Variants in GRIA4 observed in about 807,000 individuals in gnomAD.
GRIA4 encodes glutamate ionotropic receptor AMPA type subunit 4.
Under a neutral mutation model 104.0 loss-of-function variants are expected in GRIA4, and 34 were observed. That is an observed-to-expected ratio of 0.33 (90% CI 0.25 to 0.44). GRIA4 has a LOEUF of 0.44. Among genes scored for constraint, GRIA4 ranks in the 20% least tolerant of loss-of-function variants. The pLI is 1.00. For missense variants in GRIA4, 750 were observed against 1,096.5 expected, an observed-to-expected ratio of 0.68 and a Z score of 4.46; for synonymous variants, 386 against 381.9, an observed-to-expected ratio of 1.01 and a Z score of -0.13.
chr11:105,918,723 T>C lies in GRIA4; in HGVS notation c.1281T>C (p.Tyr427=), dbSNP rs1947477561. The change falls in exon 11 of 17, where the codon TAT becomes TAC. Residue 427 remains tyrosine (Y), a synonymous_variant. Transcript: ENST00000282499. ...VVVTTIMESP[Y]VMYKKNHEMF... ...TTCTCTCATTATAGGAATCCCCATATGTTATGTACAAGAAAAATCATGAAA... is the reference window on the plus strand; with the variant it reads ...TTCTCTCATTATAGGAATCCCCATACGTTATGTACAAGAAAAATCATGAAA... The C allele has an allele frequency of 1.3e-6, 2 of 1,491,208 alleles. No homozygotes were observed. Among genetic ancestry groups the C allele is most frequent in the Admixed American group, 1.7e-5 (1 of 59,780 alleles). The allele number at this position is 1,491,208 out of a possible 1,614,324, so 92.4% of individuals were successfully genotyped here. A position where few individuals can be genotyped will look rare whatever the true frequency, so the allele number is the denominator to read the frequency against.
intron 4 of GRIA4, among the ~76,000 whole-genome samples, chr11:105,833,960 G>A (rs550030393): frequency 1.3e-5 from 2 of 152,054 alleles, no homozygotes; most frequent in Admixed American, 1.3e-4. Context: ...ATTTTACTAT[G>A]CCTTTCCATT....
chr11:105,814,857 A>C (rs999565122), intron 4 of GRIA4, among the ~76,000 whole-genome samples: 1 of 152,176 alleles, frequency 6.6e-6, no homozygotes, highest in Non-Finnish European at 1.5e-5. Flanking sequence ...ATCCTTACCA[A>C]AAATGGGGTA....
intron 14 of GRIA4, among the ~76,000 whole-genome samples, chr11:105,948,595 G>GTTT (rs3060323): frequency 3.9e-4 from 34 of 87,880 alleles, no homozygotes; most frequent in Non-Finnish European, 5.5e-4. Flanking sequence ...TTTTCTTTTT[G>GTTT]TTTTTTTTTT....
rs780842448 is a variant in GRIA4, at chr11:105,713,124, T to C, written c.248-39857T>C. Among the ~76,000 whole-genome samples the C allele has an allele frequency of 2.4e-4, 37 of 152,274 alleles. No homozygotes were observed. The Middle Eastern group carries it at 0.014, about 56-fold the overall frequency. ...CAGGCCAGGCACAGTGACTCACTCC[T>C]GTAATTCCAGCAATTTGAGAGGGTT... On this transcript the variant is annotated intron_variant, in intron 3 of 16. Coordinates refer to ENST00000282499, the MANE Select transcript of GRIA4 (RefSeq NM_000829.4).
At chr11:105,759,524 T>A (rs1456767375) in intron 4 of GRIA4, among the ~76,000 whole-genome samples, 1 of 152,176 alleles carries the variant, frequency 6.6e-6, no homozygotes, top group Non-Finnish European at 1.5e-5. Context: ...TGACTTCTCA[T>A]TACTCTTCAT....
At chr11:105,633,848 G>A (rs1951103817) in intron 3 of GRIA4, among the ~76,000 whole-genome samples, 1 of 152,022 alleles carries the variant, frequency 6.6e-6, no homozygotes, top group African/African-American at 2.4e-5. Context: ...GCCTCAAAAC[G>A]ATGCTGAGAA....
intron 4 of GRIA4, among the ~76,000 whole-genome samples, chr11:105,828,939 G>A (rs1943874427): frequency 6.6e-6 from 1 of 151,984 alleles, no homozygotes. Flanking sequence ...CAGAAAGAAT[G>A]GCTTGCTGAT....
intron 3 of GRIA4, among the ~76,000 whole-genome samples, chr11:105,714,905 G>C (rs1000557926): frequency 2.6e-5 from 4 of 151,968 alleles, no homozygotes; most frequent in African/African-American, 9.7e-5. Context: ...GTTCACTAAT[G>C]TCCACAAAAG....
At chr11:105,610,861 CTTTCTTTTCTTT>C (rs1472848479) in intron 1 of GRIA4, 35 bp from the exon 2 acceptor site, 344 of 542,726 alleles carry the variant, frequency 6.3e-4, no homozygotes, top group Admixed American at 1.2e-3. Flanking sequence ...TCTTTCTTTT[CTTTCTTTTCTTT>C]TTTTTTTTTT....
At chr11:105,894,892 C>T (rs1486668310) in intron 6 of GRIA4, among the ~76,000 whole-genome samples, 1 of 109,602 alleles carries the variant, frequency 9.1e-6, no homozygotes, top group African/African-American at 3.4e-5. Context: ...CTCCGCTTCC[C>T]GGGTTCACGC....
At chr11:105,738,308 G>A (rs570542775) in intron 3 of GRIA4, among the ~76,000 whole-genome samples, 6 of 152,230 alleles carry the variant, frequency 3.9e-5, no homozygotes, top group African/African-American at 1.4e-4. Flanking sequence ...ATGACCTCTT[G>A]TTTGCCTCCA....
intron 3 of GRIA4, among the ~76,000 whole-genome samples, chr11:105,714,527 T>C (rs1023330555): frequency 1.3e-4 from 20 of 152,146 alleles, no homozygotes; most frequent in Non-Finnish European, 2.1e-4. Flanking sequence ...AATATTATCA[T>C]GCTTAAGACT....
chr11:105,697,971 C>A (rs148307177), intron 3 of GRIA4, among the ~76,000 whole-genome samples: 31 of 152,158 alleles, frequency 2.0e-4, no homozygotes, highest in Non-Finnish European at 4.1e-4. Flanking sequence ...TTCTTATTTT[C>A]TTTTTCCTCA....
At chr11:105,974,469 A>T in intron 16 of GRIA4, 25 bp downstream of exon 16, 2 of 1,613,922 alleles carry the variant, frequency 1.2e-6, no homozygotes, top group Non-Finnish European at 1.7e-6. Context: ...ACAGACTTTT[A>T]ACCCAACTTC....
intron 10 of GRIA4, chr11:105,912,777 C>T (rs552894011): frequency 2.1e-5 from 21 of 980,824 alleles, no homozygotes; most frequent in Middle Eastern, 5.2e-4. Flanking sequence ...TTGTTGAAAA[C>T]GGTAGTCCAG....
intron 3 of GRIA4, among the ~76,000 whole-genome samples, chr11:105,722,205 G>A (rs1284011480): frequency 6.6e-6 from 1 of 151,992 alleles, no homozygotes; most frequent in Non-Finnish European, 1.5e-5. Flanking sequence ...GACTTTTTGT[G>A]GTTGGACTTA....
chr11:105,942,428 A>G (rs1297308541), intron 14 of GRIA4, among the ~76,000 whole-genome samples: 1 of 152,146 alleles, frequency 6.6e-6, no homozygotes, highest in East Asian at 1.9e-4. Context: ...TGAAACAATA[A>G]TAGTACAGTT....
chr11:105,758,121 G>A (rs1940417898), intron 4 of GRIA4, among the ~76,000 whole-genome samples: 1 of 152,092 alleles, frequency 6.6e-6, no homozygotes, highest in Admixed American at 6.6e-5. Context: ...GTGTGCACCT[G>A]TAGTCCTGGC....
intron 4 of GRIA4, among the ~76,000 whole-genome samples, chr11:105,810,561 G>A (rs1391565771): frequency 6.6e-6 from 1 of 152,136 alleles, no homozygotes; most frequent in South Asian, 2.1e-4. Context: ...GCTAAAAAGG[G>A]TGCACATCTC....
Sources: gnomAD v4.1 joint callset for allele counts (sites outside exome capture counted in the v4.1 genomes callset) on GRCh38, gnomAD v4.1.1 for gene constraint, MANE v1.5 for transcripts, NCBI Gene and HGNC (gene_info 2026-07-23, HGNC 2026-07-21) for gene names.